Variants in STAC observed in about 807,000 individuals in gnomAD.
STAC encodes the protein SH3 and cysteine-rich domain-containing protein.
A neutral mutation model predicts 48.8 loss-of-function variants in STAC; 43 were observed. That is an observed-to-expected ratio of 0.88 (90% CI 0.69 to 1.14). STAC has a LOEUF of 1.14. STAC is among the 50% of genes most tolerant of loss of function. The probability of loss-of-function intolerance (pLI) is 0.00; values close to 1 mark genes in which losing one functional copy is unlikely to be tolerated. For missense variants in STAC, 497 were observed against 504.0 expected, an observed-to-expected ratio of 0.99 and a Z score of 0.13; for synonymous variants, 193 against 179.5, an observed-to-expected ratio of 1.07 and a Z score of -0.60.
At chr3:36,438,304 A>G (rs1028425426) in intron 1 of STAC, among the ~76,000 whole-genome samples, 1 of 152,220 alleles carries the variant, frequency 6.6e-6, no homozygotes, top group African/African-American at 2.4e-5. Context: ...AGTAAATGAT[A>G]TAGAGTAGTT....
At chr3:36,465,422 T>A (rs895215840) in intron 2 of STAC, among the ~76,000 whole-genome samples, 2 of 152,230 alleles carry the variant, frequency 1.3e-5, no homozygotes, top group Non-Finnish European at 2.9e-5. Flanking sequence ...GTGTTAACTC[T>A]GATGATTATT....
intron 2 of STAC, among the ~76,000 whole-genome samples, chr3:36,482,664 C>G (rs548183990): frequency 4.4e-4 from 67 of 152,108 alleles, no homozygotes; most frequent in Admixed American, 7.9e-4. Context: ...CAGTAAGACA[C>G]AGAAAAGTAG....
intron 1 of STAC, among the ~76,000 whole-genome samples, chr3:36,412,060 A>C (rs1226455065): frequency 6.6e-6 from 1 of 152,192 alleles, no homozygotes; most frequent in African/African-American, 2.4e-5. Context: ...ACTTACAATA[A>C]TTTAAGCAAA....
intron 2 of STAC, among the ~76,000 whole-genome samples, chr3:36,482,203 A>T (rs1475661717): frequency 6.6e-6 from 1 of 152,162 alleles, no homozygotes; most frequent in African/African-American, 2.4e-5. Flanking sequence ...CTTAAGCTTT[A>T]TCCAGCCACT....
At chr3:36,381,185 C>T (rs73052253) in intron 1 of STAC, among the ~76,000 whole-genome samples, 8,338 of 152,154 alleles carry the variant, frequency 0.055, 328 homozygotes, top group Non-Finnish European at 0.079. Context: ...GTCTCAGAGA[C>T]CTTTTGCTTA....
chr3:36,380,577 G>A lies in STAC; in HGVS notation c.-67G>A. On this transcript the variant is annotated 5_prime_UTR_variant, in exon 1 of 11. Transcript: ENST00000273183. Reference sequence around the variant, plus strand: ...AGCTGAGCAGCCTGGCGCGCGGCGGGCAGGGCGCGCAGGACAGAAGCCTCG... The same window carrying A: ...AGCTGAGCAGCCTGGCGCGCGGCGGACAGGGCGCGCAGGACAGAAGCCTCG... 7.6e-7 allele frequency: 1 copy of A among 1,310,128 alleles called. No homozygotes were observed. The highest frequency in any genetic ancestry group is 1.1e-6 in the Non-Finnish European group (1 of 932,202). 81.2% of individuals were successfully genotyped at this position (1,310,128 alleles called of 1,614,324 possible).
chr3:36,420,333 T>C (rs1375540983), intron 1 of STAC, among the ~76,000 whole-genome samples: 1 of 152,172 alleles, frequency 6.6e-6, no homozygotes, highest in Non-Finnish European at 1.5e-5. Flanking sequence ...AATGAGCAAA[T>C]TCACATAACC....
chr3:36,486,425 G>C (rs905485632), intron 5 of STAC, among the ~76,000 whole-genome samples, 176 bp downstream of exon 5: 2 of 152,140 alleles, frequency 1.3e-5, no homozygotes, highest in African/African-American at 4.8e-5. Flanking sequence ...TTAACTTCCT[G>C]TTGTCAACAC....
intron 1 of STAC, among the ~76,000 whole-genome samples, chr3:36,383,194 C>A (rs60239415): frequency 0.19 from 29,306 of 152,004 alleles, 3,465 homozygotes; most frequent in Non-Finnish European, 0.24. Flanking sequence ...CATAGTTGAG[C>A]GAGAACAATA....
At chr3:36,512,977 A>G (rs1264106757) in intron 8 of STAC, among the ~76,000 whole-genome samples, 3 of 152,234 alleles carry the variant, frequency 2.0e-5, no homozygotes, top group African/African-American at 7.2e-5. Context: ...ACAAAATAGC[A>G]TTCTTATCCA....
intron 8 of STAC, among the ~76,000 whole-genome samples, chr3:36,521,609 A>C (rs1310022387): frequency 6.6e-6 from 1 of 152,116 alleles, no homozygotes. Flanking sequence ...AATCACACCA[A>C]ATGTTAGCGT....
At chr3:36,441,682 T>C (rs1318117109) in intron 1 of STAC, among the ~76,000 whole-genome samples, 3 of 152,238 alleles carry the variant, frequency 2.0e-5, no homozygotes, top group Non-Finnish European at 4.4e-5. Flanking sequence ...CTGTTCTTCA[T>C]AGTGGTTGCA....
chr3:36,415,928 T>C (rs1700309784), intron 1 of STAC, among the ~76,000 whole-genome samples: 1 of 152,250 alleles, frequency 6.6e-6, no homozygotes, highest in Non-Finnish European at 1.5e-5. Context: ...TTGTATATGG[T>C]ATTTTATAAA....
At chr3:36,532,927 C>T (rs1428967417) in intron 10 of STAC, among the ~76,000 whole-genome samples, 2 of 151,870 alleles carry the variant, frequency 1.3e-5, no homozygotes, top group African/African-American at 4.8e-5. Flanking sequence ...ATACACATGC[C>T]CTGTGAATTT....
intron 5 of STAC, among the ~76,000 whole-genome samples, chr3:36,492,728 G>A (rs1698024509): frequency 6.6e-6 from 1 of 152,196 alleles, no homozygotes; most frequent in African/African-American, 2.4e-5. Flanking sequence ...TACCTAAGTA[G>A]TGCATCCCTC....
rs750311311 is a variant in STAC, at chr3:36,485,109, C to T, written c.571+51C>T. ...GTTGAGTTTGAAGCAGCAAAGTTAA[C>T]ATTAATGGCTACTGTCCTCCCATGG... On this transcript the variant is annotated intron_variant, in intron 4 of 10. Transcript: ENST00000273183. 5 of 1,475,692 alleles carry T rather than the reference C, an allele frequency of 3.4e-6. No homozygotes were observed. In the Admixed American group the frequency reaches 5.6e-5, roughly 17 times the overall value. The allele number at this position is 1,475,692 out of a possible 1,614,324, so 91.4% of individuals were successfully genotyped here.
chr3:36,385,080 CTG>C (rs1699588509), intron 1 of STAC, among the ~76,000 whole-genome samples: 1 of 152,176 alleles, frequency 6.6e-6, no homozygotes, highest in Non-Finnish European at 1.5e-5. Context: ...GTTGAAATCT[CTG>C]AGAGAGATCT....
chr3:36,528,782 A>C, intron 9 of STAC, 35 bp downstream of exon 9: 1 of 1,599,502 alleles, frequency 6.3e-7, no homozygotes, highest in South Asian at 1.1e-5. Flanking sequence ...AAAAAAGAGA[A>C]AATCATTTGG....
chr3:36,431,241 T>C (rs184530671), intron 1 of STAC, among the ~76,000 whole-genome samples: 51 of 152,190 alleles, frequency 3.4e-4, no homozygotes, highest in Non-Finnish European at 6.6e-4. Context: ...TTCTCTTTCA[T>C]TGACCTTCCT....
Sources: gnomAD v4.1 joint callset for allele counts (sites outside exome capture counted in the v4.1 genomes callset) on GRCh38, gnomAD v4.1.1 for gene constraint, MANE v1.5 for transcripts, NCBI Gene and HGNC (gene_info 2026-07-23, HGNC 2026-07-21) for gene names.